The following DSE variants were observed in gnomAD, a reference collection of about 807,000 sequenced individuals.
DSE encodes dermatan-sulfate epimerase.
A neutral mutation model predicts 84.4 loss-of-function variants in DSE; 36 were observed. That is an observed-to-expected ratio of 0.43 (90% CI 0.33 to 0.56). The LOEUF is 0.56. Ranked by LOEUF, DSE falls within the 20% of genes least tolerant of loss-of-function variation. DSE has a pLI of 0.06. For missense variants in DSE, 862 were observed against 1,169.6 expected, an observed-to-expected ratio of 0.74 and a Z score of 3.84; for synonymous variants, 410 against 430.1, an observed-to-expected ratio of 0.95 and a Z score of 0.58.
chr6:116,335,408 A>G (rs1231362862), intron 2 of DSE, among the ~76,000 whole-genome samples: 1 of 152,202 alleles, frequency 6.6e-6, no homozygotes, highest in African/African-American at 2.4e-5. Flanking sequence ...GAGTGTTAGG[A>G]AAAATAACTC....
intron 2 of DSE, chr6:116,280,204 C>T: frequency 2.8e-6 from 1 of 351,232 alleles, no homozygotes; most frequent in South Asian, 2.5e-5. Flanking sequence ...ACAGTGCCTG[C>T]TCTCCAGTGT....
intron 2 of DSE, among the ~76,000 whole-genome samples, chr6:116,319,324 A>G (rs1776165431): frequency 6.6e-6 from 1 of 152,248 alleles, no homozygotes; most frequent in Non-Finnish European, 1.5e-5. Flanking sequence ...CTAATTATAC[A>G]TATTTACTGT....
Position 116,278,599 on chromosome 6 carries a change from C to A in DSE, c.-54+19632C>A, listed in dbSNP as rs537676463. Reference sequence around the variant, plus strand: ...ACGTCGGGCTCTACGGACTCCTTCACGCAACAGGTAGTATTGCAGTGGATT... The same window carrying A: ...ACGTCGGGCTCTACGGACTCCTTCAAGCAACAGGTAGTATTGCAGTGGATT... On this transcript the variant is annotated intron_variant, in intron 2 of 3. Coordinates refer to the DSE transcript ENST00000430252. 6.2e-6 allele frequency: 10 copies of A among 1,614,154 alleles called. No individual in the cohort carries two copies. In the East Asian group the frequency reaches 2.2e-4, roughly 36 times the overall value.
chr6:116,365,355 G>A (rs751322308), intron 2 of DSE, among the ~76,000 whole-genome samples: 7 of 152,140 alleles, frequency 4.6e-5, no homozygotes, highest in South Asian at 4.1e-4. Flanking sequence ...CTGGGTTCAC[G>A]CCATTCTCCT....
At position 116,265,046 on chromosome 6, in the gene DSE, G is replaced by A. The variant is rs190054305; in HGVS notation, c.-54+6079G>A. 2.1e-3 allele frequency among the ~76,000 whole-genome samples: 313 copies of A among 152,290 alleles called. 2 individuals carry two copies. The highest frequency in any genetic ancestry group is 3.4e-3 in the Non-Finnish European group (232 of 68,024). Reference sequence around the variant, plus strand: ...TGCAGCAACAGGGGGATCTGTCTTCGTTCACATGTGCCAGCAGCAGTGGTA... The same window carrying A: ...TGCAGCAACAGGGGGATCTGTCTTCATTCACATGTGCCAGCAGCAGTGGTA... On this transcript the variant is annotated intron_variant, in intron 2 of 3. Coordinates refer to the DSE transcript ENST00000430252.
intron 2 of DSE, among the ~76,000 whole-genome samples, chr6:116,362,584 T>G (rs1778965018): frequency 6.6e-6 from 1 of 152,202 alleles, no homozygotes; most frequent in Non-Finnish European, 1.5e-5. Context: ...AGAAACAGAA[T>G]TGGTTAGCAC....
At chr6:116,271,421 G>C (rs1772872459) in intron 2 of DSE, among the ~76,000 whole-genome samples, 1 of 152,190 alleles carries the variant, frequency 6.6e-6, no homozygotes, top group African/African-American at 2.4e-5. Context: ...AGTTGGAGCT[G>C]AAGAAGTCAG....
At chr6:116,279,630 C>G (rs1483958199) in intron 2 of DSE, 2 of 1,604,290 alleles carry the variant, frequency 1.2e-6, no homozygotes, top group East Asian at 2.2e-5. Context: ...GTACGCCCCC[C>G]TCCTCTGAAG....
intron 2 of DSE, among the ~76,000 whole-genome samples, chr6:116,307,046 A>T (rs757379238): frequency 2.0e-5 from 3 of 152,244 alleles, no homozygotes; most frequent in African/African-American, 7.2e-5. Flanking sequence ...GTATTCATAC[A>T]ACTTTACACA....
Position 116,436,753 on chromosome 6 carries a change from C to T in DSE, c.2285C>T (p.Ser762Phe), listed in dbSNP as rs1211377125. ...VFQLLEKQIL[S>F]RVRNTASFRK... ...CAGCTGCTGGAGAAGCAGATACTGT[C>T]CCGAGTCCGGAACACAGCTAGCTTT... Residue 762 changes from serine to phenylalanine, a missense_variant, in exon 6 of 6, where the codon TCC (serine) becomes TTC (phenylalanine). Coordinates refer to ENST00000644252, the MANE Select transcript of DSE (RefSeq NM_013352.4). 6.2e-7 allele frequency: 1 copy of T among 1,614,152 alleles called. No individual in the cohort carries two copies. Among genetic ancestry groups the T allele is most frequent in the Non-Finnish European group, 8.5e-7 (1 of 1,180,026 alleles).
At chr6:116,403,726 TG>T (rs1210821226) in intron 2 of DSE, among the ~76,000 whole-genome samples, 1 of 152,200 alleles carries the variant, frequency 6.6e-6, no homozygotes, top group Non-Finnish European at 1.5e-5. Flanking sequence ...ACAGTGACTA[TG>T]GGATCAGTTA....
chr6:116,399,950 ATTCT>A (rs1349079950), intron 2 of DSE: 1 of 364,982 alleles, frequency 2.7e-6, no homozygotes, highest in African/African-American at 2.1e-5. Context: ...ATTGCTGAGA[ATTCT>A]TTCTTCCATA....
intron 1 of DSE, chr6:116,256,031 C>G (rs1487040791): frequency 6.6e-6 from 1 of 152,188 alleles, no homozygotes; most frequent in Non-Finnish European, 1.5e-5. Flanking sequence ...GTAGATTGTA[C>G]TAGGCAGTTT....
chr6:116,403,383 A>G (rs1023182899), intron 2 of DSE, among the ~76,000 whole-genome samples: 2 of 151,734 alleles, frequency 1.3e-5, no homozygotes, highest in Admixed American at 1.3e-4. Context: ...TGGCAAAGAT[A>G]TCAGCAATAA....
chr6:116,392,684 C>T (rs1007390775), intron 1 of DSE, among the ~76,000 whole-genome samples: 3 of 152,194 alleles, frequency 2.0e-5, no homozygotes, highest in African/African-American at 4.8e-5. Flanking sequence ...GTTATGGTAG[C>T]GATCTTAACT....
Position 116,437,399 on chromosome 6 carries a change from A to G in DSE, c.*54A>G, listed in dbSNP as rs1784255124. On this transcript the variant is annotated 3_prime_UTR_variant, in exon 6 of 6. Coordinates refer to ENST00000644252, the MANE Select transcript of DSE (RefSeq NM_013352.4). ...TTGTGATCACAAGAGTCTATGCAAA[A>G]AAAAAAATTTCTTTACCCCAGATTA... 7.1e-7 allele frequency: 1 copy of G among 1,416,336 alleles called. No homozygotes were observed. Among genetic ancestry groups the G allele is most frequent in the Non-Finnish European group, 9.3e-7 (1 of 1,079,800 alleles). The allele number at this position is 1,416,336 out of a possible 1,614,324, so 87.7% of individuals were successfully genotyped here.
chr6:116,398,285 G>A (rs1048341460), intron 1 of DSE, among the ~76,000 whole-genome samples: 1 of 152,128 alleles, frequency 6.6e-6, no homozygotes, highest in African/African-American at 2.4e-5. Flanking sequence ...ACATTTGAAA[G>A]ATGTTCTTTT....
chr6:116,416,313 T>A (rs1222372725), intron 2 of DSE, among the ~76,000 whole-genome samples: 1 of 151,624 alleles, frequency 6.6e-6, no homozygotes, highest in Non-Finnish European at 1.5e-5. Context: ...GGGACTGTTA[T>A]TTTGCCTGTC....
At chr6:116,273,366 C>T (rs1268941993) in intron 2 of DSE, among the ~76,000 whole-genome samples, 12 of 152,090 alleles carry the variant, frequency 7.9e-5, no homozygotes. Context: ...TTGATAGAAA[C>T]TCTTCTATAG....
Sources: gnomAD v4.1 joint callset for allele counts (sites outside exome capture counted in the v4.1 genomes callset) on GRCh38, gnomAD v4.1.1 for gene constraint, MANE v1.5 for transcripts, NCBI Gene and HGNC (gene_info 2026-07-23, HGNC 2026-07-21) for gene names.